The following LEF1 variants were observed in gnomAD, a reference collection of about 807,000 sequenced individuals.
The protein encoded by LEF1 is lymphoid enhancer-binding factor 1.
A neutral mutation model predicts 51.2 loss-of-function variants in LEF1; 14 were observed. The observed-to-expected ratio is 0.27, with a 90% CI of 0.18 to 0.43. The LOEUF (loss-of-function observed/expected upper bound fraction) is 0.43. Among genes scored for constraint, LEF1 ranks in the 20% least tolerant of loss-of-function variants. The probability of loss-of-function intolerance (pLI) is 1.00; values close to 1 mark genes in which losing one functional copy is unlikely to be tolerated. For synonymous variants in LEF1, 185 were observed against 183.2 expected, an observed-to-expected ratio of 1.01 and a Z score of -0.08; for missense variants, 386 against 512.0, an observed-to-expected ratio of 0.75 and a Z score of 2.37.
intron 3 of LEF1, among the ~76,000 whole-genome samples, chr4:108,139,193 G>A (rs2110368103): frequency 6.6e-6 from 1 of 152,298 alleles, no homozygotes; most frequent in East Asian, 1.9e-4. Context: ...TTCAGCCTTA[G>A]ATGTGTGGAA....
At chr4:108,126,126 C>T (rs1742511171) in intron 3 of LEF1, among the ~76,000 whole-genome samples, 1 of 152,128 alleles carries the variant, frequency 6.6e-6, no homozygotes, top group African/African-American at 2.4e-5. Flanking sequence ...CCACTAAGGA[C>T]TTAAAGCTCC....
intron 3 of LEF1, among the ~76,000 whole-genome samples, chr4:108,154,040 A>G (rs996802813): frequency 3.3e-5 from 5 of 152,176 alleles, no homozygotes; most frequent in Non-Finnish European, 7.3e-5. Flanking sequence ...GGAATTTAAT[A>G]TTTGGTATTA....
At chr4:108,094,947 CAGAA>C (rs1740285318) in intron 3 of LEF1, among the ~76,000 whole-genome samples, 1 of 152,160 alleles carries the variant, frequency 6.6e-6, no homozygotes, top group Non-Finnish European at 1.5e-5. Context: ...CAAGCCTTCC[CAGAA>C]AGAGAGGCAG....
chr4:108,113,030 T>TG (rs1741623264), intron 3 of LEF1, among the ~76,000 whole-genome samples: 1 of 152,212 alleles, frequency 6.6e-6, no homozygotes, highest in African/African-American at 2.4e-5. Context: ...GGAAGCCTGA[T>TG]GCTGCCACAT....
intron 5 of LEF1, among the ~76,000 whole-genome samples, chr4:108,082,390 G>A (rs983551819): frequency 1.3e-5 from 2 of 152,142 alleles, no homozygotes; most frequent in Admixed American, 6.5e-5. Context: ...AGTTCAAGCA[G>A]TTACTGACTA....
intron 3 of LEF1, among the ~76,000 whole-genome samples, chr4:108,110,791 A>G (rs537899489): frequency 2.0e-5 from 3 of 152,384 alleles, no homozygotes; most frequent in South Asian, 2.1e-4. Context: ...TAAGAATTAC[A>G]GAAAATATGC....
At chr4:108,115,804 G>A (rs1250070791) in intron 3 of LEF1, among the ~76,000 whole-genome samples, 2 of 151,318 alleles carry the variant, frequency 1.3e-5, no homozygotes, top group African/African-American at 4.9e-5. Context: ...TAAGGAAACT[G>A]AGGCCCAGAG....
At chr4:108,121,288 C>T (rs1742166101) in intron 3 of LEF1, among the ~76,000 whole-genome samples, 2 of 152,154 alleles carry the variant, frequency 1.3e-5, no homozygotes, top group Non-Finnish European at 1.5e-5. Flanking sequence ...GCATTGTTTT[C>T]ATACAAGTGC....
chr4:108,098,663 A>G (rs979942202), intron 3 of LEF1, among the ~76,000 whole-genome samples: 8 of 152,188 alleles, frequency 5.3e-5, no homozygotes, highest in African/African-American at 1.4e-4. Context: ...GATTTTAATA[A>G]GTGCCATATA....
intron 1 of LEF1, 117 bp from the exon 2 acceptor site, chr4:108,165,280 GT>G: frequency 1.1e-6 from 1 of 874,944 alleles, no homozygotes; most frequent in Non-Finnish European, 1.9e-6. Flanking sequence ...GGGCAACTCT[GT>G]TTTATACTCT....
chr4:108,166,284 GAT>G (rs1299868605), intron 1 of LEF1: 10 of 1,536,064 alleles, frequency 6.5e-6, no homozygotes, highest in Non-Finnish European at 7.8e-6. Flanking sequence ...CTGCCATTGG[GAT>G]AGAGAAGGCA....
At position 108,167,535 on chromosome 4, in the gene LEF1, T is replaced by C; in HGVS notation, c.213+20A>G. The C allele has an allele frequency of 6.2e-7, 1 of 1,612,706 alleles. No homozygotes were observed. The highest frequency in any genetic ancestry group is 8.5e-7 in the Non-Finnish European group (1 of 1,179,114). On this transcript the variant is annotated intron_variant, in intron 1 of 11. Coordinates refer to ENST00000265165, the MANE Select transcript of LEF1 (RefSeq NM_016269.5). This position sits in a 1 kb window ranked among gnomAD's most constrained non-coding sequence, Gnocchi z 5.7. ...AGGGACCCGCCACGCCTCTCGGAAC[T>C]GGGGCAGCGGCCCGCTCACCTCGTG...
rs373625202 is a variant in LEF1, at chr4:108,099,277, G to C, written c.415-10020C>G. Among the ~76,000 whole-genome samples the C allele has an allele frequency of 7.9e-5, 12 of 151,764 alleles. No homozygotes were observed. In the East Asian group the frequency reaches 1.2e-3, roughly 15 times the overall value. On this transcript the variant is annotated intron_variant, in intron 3 of 11. Coordinates refer to ENST00000265165, the MANE Select transcript of LEF1 (RefSeq NM_016269.5). ...CACTACATTTCTATCAGGCAGTTCT[G>C]CTTACAGTTTAAAAATTTGTAGGTG... is the stretch of plus-strand genomic sequence containing the variant.
At chr4:108,158,305 T>G (rs1271271562) in intron 3 of LEF1, among the ~76,000 whole-genome samples, 1 of 152,220 alleles carries the variant, frequency 6.6e-6, no homozygotes, top group Admixed American at 6.5e-5. Context: ...AGAAGAGTAC[T>G]AAGTGTCTTG....
At chr4:108,121,916 T>C (rs373386825) in intron 3 of LEF1, among the ~76,000 whole-genome samples, 48 of 152,374 alleles carry the variant, frequency 3.2e-4, no homozygotes, top group African/African-American at 1.2e-3. Context: ...TCTTTGACCT[T>C]TGAAGAGTTT....
Position 108,063,610 on chromosome 4 carries a change from G to C in LEF1, c.*6+13C>G. On this transcript the variant is annotated intron_variant, in intron 11 of 11. Coordinates refer to ENST00000265165, the MANE Select transcript of LEF1 (RefSeq NM_016269.5). ...AACTAACGTCAGCAGTAGGACCAGA[G>C]AGTCGTTCTTACCATGTTTCAGATG... 1 of 1,588,150 alleles carries C rather than the reference G, an allele frequency of 6.3e-7. No homozygotes were observed. The highest frequency in any genetic ancestry group is 8.6e-7 in the Non-Finnish European group (1 of 1,168,578).
intron 3 of LEF1, among the ~76,000 whole-genome samples, chr4:108,132,987 T>G (rs1295298252): frequency 6.6e-6 from 1 of 151,850 alleles, no homozygotes; most frequent in Non-Finnish European, 1.5e-5. Flanking sequence ...TTTTTTTCTT[T>G]TTTTGAAATG....
At chr4:108,070,367 C>T (rs1220056295) in intron 9 of LEF1, 2 of 212,596 alleles carry the variant, frequency 9.4e-6, no homozygotes. Context: ...GTTGCCTTTA[C>T]ATAGTAAGAT....
At chr4:108,158,926 TA>T (rs777552617) in intron 3 of LEF1, among the ~76,000 whole-genome samples, 23 of 151,934 alleles carry the variant, frequency 1.5e-4, no homozygotes, top group Non-Finnish European at 2.9e-4. Flanking sequence ...GTGGAAAAAA[TA>T]CTTCAAAAGC....
Sources: gnomAD v4.1 joint callset for allele counts (sites outside exome capture counted in the v4.1 genomes callset) on GRCh38, gnomAD v4.1.1 for gene constraint, Gnocchi (gnomAD v3.1) non-coding constraint, MANE v1.5 for transcripts, NCBI Gene and HGNC (gene_info 2026-07-23, HGNC 2026-07-21) for gene names.